The following ATRX variants were observed in gnomAD, a reference collection of about 807,000 sequenced individuals.
ATRX encodes ATRX chromatin remodeler.
Under a neutral mutation model 172.6 loss-of-function variants are expected in ATRX, and 12 were observed. The observed-to-expected ratio is 0.07, with a 90% CI of 0.04 to 0.11. ATRX has a LOEUF of 0.11. Ranked by LOEUF, ATRX falls within the 10% of genes least tolerant of loss-of-function variation. The pLI is 1.00. For missense variants in ATRX, 1,368 were observed against 1,767.4 expected (o/e 0.77, Z 4.05); for synonymous variants, 674 against 594.7 (o/e 1.13, Z -1.94).
intron 28 of ATRX, among the ~76,000 whole-genome samples, chrX:77,572,278 G>A (rs1012261537): frequency 1.8e-5 from 2 of 110,899 alleles, no homozygotes; most frequent in South Asian, 7.6e-4. Flanking sequence ...CGTAACACTC[G>A]AAGAAAATGC....
chrX:77,524,193 G>A (rs2063314403), intron 30 of ATRX, among the ~76,000 whole-genome samples: 1 of 111,804 alleles, frequency 8.9e-6, no homozygotes, highest in African/African-American at 3.2e-5. Context: ...TTACAGATAT[G>A]TTACTTTTAA....
At chrX:77,736,858 T>C (rs2074591320) in intron 1 of ATRX, among the ~76,000 whole-genome samples, 1 of 111,831 alleles carries the variant, frequency 8.9e-6, no homozygotes, top group Admixed American at 9.6e-5. Flanking sequence ...GAAAATGTGG[T>C]AGTTACACAA....
rs956191281 is a variant in ATRX at position 77,575,478 on chromosome X, A to T, written c.6218-1120T>A. ...TGCATTAATTGTTCACTTGAACAGG[A>T]TAATTATTAAAATAAATAATCATAA... On this transcript the variant is annotated intron_variant, in intron 27 of 34. Transcript: ENST00000373344. 2.7e-5 allele frequency: 3 copies of T among 111,637 alleles called. No individual in the cohort carries two copies. In the East Asian group the frequency reaches 8.4e-4, roughly 31 times the overall value. The allele number at this position is 111,637 out of a possible 1,213,427, so 9.2% of individuals were successfully genotyped here.
intron 22 of ATRX, 97 bp from the exon 23 acceptor site, chrX:77,600,661 T>G: frequency 1.0e-6 from 1 of 973,456 alleles, no homozygotes; most frequent in African/African-American, 1.9e-5. Context: ...ATAAACACTT[T>G]TGGCAGTGTA....
At chrX:77,645,473 T>C (rs1252223738) in intron 15 of ATRX, among the ~76,000 whole-genome samples, 2 of 111,461 alleles carry the variant, frequency 1.8e-5, no homozygotes, top group African/African-American at 6.5e-5. Flanking sequence ...AAAATTATCC[T>C]TCAAAATAGA....
At chrX:77,673,664 T>C (rs1363140982) in intron 10 of ATRX, among the ~76,000 whole-genome samples, 1 of 111,074 alleles carries the variant, frequency 9.0e-6, no homozygotes, top group East Asian at 2.8e-4. Flanking sequence ...AGAAATGTAT[T>C]CACATTTACT....
At chrX:77,536,134 C>T (rs1602420883) in intron 30 of ATRX, among the ~76,000 whole-genome samples, 1 of 110,324 alleles carries the variant, frequency 9.1e-6, no homozygotes, top group South Asian at 3.9e-4. Flanking sequence ...TACATAGCCT[C>T]GAACCCCTGA....
intron 22 of ATRX, among the ~76,000 whole-genome samples, chrX:77,602,545 C>T (rs2066720807): frequency 9.2e-6 from 1 of 108,968 alleles, no homozygotes; most frequent in Admixed American, 1.0e-4. Context: ...AGGTATTTAC[C>T]ACCATACATT....
At chrX:77,644,312 CACA>C (rs1463176140) in intron 15 of ATRX, among the ~76,000 whole-genome samples, 6 of 112,160 alleles carry the variant, frequency 5.3e-5, no homozygotes, top group African/African-American at 1.3e-4. Context: ...ACTGATGACA[CACA>C]ACAAGAACAC....
Position 77,682,133 on chromosome X carries a change from A to C in ATRX, c.3123T>G (p.Asp1041Glu). 1 of 1,209,800 alleles carries C rather than the reference A, an allele frequency of 8.3e-7. No individual in the cohort carries two copies. Among genetic ancestry groups the C allele is most frequent in the Non-Finnish European group, 1.1e-6 (1 of 894,402 alleles). Residue 1041 changes from aspartate (D) to glutamate (E), a missense_variant, in exon 9 of 35, where the codon GAT (aspartate) becomes GAG (glutamate). Physicochemically the swap from Asp to Glu is conservative, Grantham distance 45. Transcript: ENST00000373344. ...TTATTTTTTTACTTTTCTTTTCTCCATCAGTTGTTCCATTCTTAATTTGTT... is the reference window on the plus strand; with the variant it reads ...TTATTTTTTTACTTTTCTTTTCTCCCTCAGTTGTTCCATTCTTAATTTGTT... ...GIKQIKNGTT[D>E]GEKKSKKIRD...
chrX:77,644,875 G>A (rs184442384), intron 15 of ATRX, among the ~76,000 whole-genome samples: 8 of 111,402 alleles, frequency 7.2e-5, no homozygotes, highest in African/African-American at 2.3e-4. Context: ...CCAAATTGAA[G>A]GAGAGAGACT....
chrX:77,684,431 G>A lies in ATRX; in HGVS notation c.825C>T (p.Asp275=). The A allele has an allele frequency of 8.3e-7, 1 of 1,211,605 alleles. No homozygotes were observed. The highest frequency in any genetic ancestry group is 1.1e-6 in the Non-Finnish European group (1 of 895,310). The change falls in exon 9 of 35, where the codon GAC becomes GAT. Residue 275 remains aspartate (D), a synonymous_variant. Coordinates refer to ENST00000373344, the MANE Select transcript of ATRX (RefSeq NM_000489.6). ...CYICHPEPLL[D]LVTACNSVFE... ...ATACGCTGTTACATGCAGTGACCAAGTCCAACAAAGGCTCTGGGTGACAAA... is the reference window on the plus strand; with the variant it reads ...ATACGCTGTTACATGCAGTGACCAAATCCAACAAAGGCTCTGGGTGACAAA...
In ATRX at chrX:77,508,588, G is replaced by A. The variant is rs782246110; in HGVS notation, c.7242C>T (p.Leu2414=). Residue 2414 remains leucine (L), a synonymous_variant, in exon 35 of 35, where the codon CTC becomes CTT. Transcript: ENST00000373344. The stretch of plus-strand genomic sequence containing the variant: ...GTTGCTGCTGATTGTACTGCTGCTG[G>A]AGCCTTCTGTTCATAAGTATTCGCT... ...CVQRILMNRR[L]QQQYNQQQQQ... is the part of the protein sequence containing the mutation. 6 of 1,210,206 alleles carry A rather than the reference G, an allele frequency of 5.0e-6. No individual in the cohort carries two copies. The South Asian group carries it at 1.1e-4, about 21-fold the overall frequency.
intron 2 of ATRX, among the ~76,000 whole-genome samples, chrX:77,709,862 T>A (rs1362541894): frequency 8.9e-6 from 1 of 111,758 alleles, no homozygotes; most frequent in African/African-American, 3.3e-5. Context: ...AACTGCAAAA[T>A]GCACTCCTGG....
chrX:77,584,623 G>C (rs2065942554), intron 27 of ATRX, among the ~76,000 whole-genome samples: 1 of 111,400 alleles, frequency 9.0e-6, no homozygotes, highest in Non-Finnish European at 1.9e-5. Flanking sequence ...AAAAAAACTA[G>C]ACCCCTATCT....
At chrX:77,711,774 G>A (rs1054800481) in intron 2 of ATRX, among the ~76,000 whole-genome samples, 1 of 112,285 alleles carries the variant, frequency 8.9e-6, no homozygotes, top group African/African-American at 3.2e-5. Flanking sequence ...GGTGGAAGTT[G>A]CTGTGAGCTG....
chrX:77,559,798 G>C (rs1332494924), intron 28 of ATRX, among the ~76,000 whole-genome samples: 2 of 110,621 alleles, frequency 1.8e-5, no homozygotes, highest in Admixed American at 1.9e-4. Context: ...GGAATGAATT[G>C]GTGATAGGTA....
chrX:77,581,301 G>A (rs1225557157), intron 27 of ATRX, among the ~76,000 whole-genome samples: 3 of 111,298 alleles, frequency 2.7e-5, no homozygotes, highest in Non-Finnish European at 5.7e-5. Flanking sequence ...AATACCCAAT[G>A]ATCTGTTGCC....
chrX:77,579,452 G>A (rs150198204), intron 27 of ATRX, among the ~76,000 whole-genome samples: 96 of 100,324 alleles, frequency 9.6e-4, no homozygotes, highest in African/African-American at 3.5e-3. Context: ...TCAGCACAGA[G>A]AGACTCCATT....
Sources: gnomAD v4.1 joint callset for allele counts (sites outside exome capture counted in the v4.1 genomes callset) on GRCh38, gnomAD v4.1.1 for gene constraint, MANE v1.5 for transcripts, NCBI Gene and HGNC (gene_info 2026-07-23, HGNC 2026-07-21) for gene names.